Variants in TLCD1 observed in about 807,000 individuals in gnomAD.
TLCD1 encodes the protein TLC domain containing 1.
A neutral mutation model predicts 21.2 loss-of-function variants in TLCD1; 21 were observed. That is an observed-to-expected ratio of 0.99 (90% CI 0.70 to 1.42). TLCD1 has a LOEUF of 1.42. Among genes scored for constraint, TLCD1 ranks in the 40% most tolerant of loss-of-function variants. The pLI, the probability that TLCD1 is intolerant of heterozygous loss-of-function variation, is 0.00. For missense variants in TLCD1, 344 were observed against 330.3 expected (o/e 1.04, Z -0.32); for synonymous variants, 168 against 134.8 (o/e 1.25, Z -1.71).
chr17:28,724,701 C>T lies in TLCD1; in HGVS notation c.553G>A (p.Ala185Thr), dbSNP rs200019852. 5 of 1,614,082 alleles carry T rather than the reference C, an allele frequency of 3.1e-6. No homozygotes were observed. Among genetic ancestry groups the T allele is most frequent in the Non-Finnish European group, 4.2e-6 (5 of 1,180,018 alleles). The change falls in exon 4 of 4, where the codon GCC becomes ACC. Residue 185 changes from alanine to threonine, a missense_variant. By Grantham distance (58) the Ala-to-Thr change is moderately conservative (BLOSUM62 0). Coordinates refer to ENST00000292090, the MANE Select transcript of TLCD1 (RefSeq NM_138463.4). ...NLVMYFLFRL[A>T]PQAYLTHFFL... ...AAATGGGTGAGGTAGGCCTGAGGGG[C>T]CAGGCGGAAGAGAAAGTACATGACC...
intron 2 of TLCD1, 36 bp downstream of exon 2, chr17:28,725,445 C>T (rs765126241): frequency 3.1e-6 from 5 of 1,614,104 alleles, no homozygotes; most frequent in South Asian, 1.1e-5. Context: ...TTCTCCCTGT[C>T]CCCAATTTGC....
In TLCD1 at chr17:28,725,980, G is replaced by A. The variant is rs750085780; in HGVS notation, c.118C>T (p.Leu40=). The change falls in exon 1 of 4, where the codon CTG becomes TTG. Residue 40 remains leucine, a synonymous_variant. Coordinates refer to ENST00000292090, the MANE Select transcript of TLCD1 (RefSeq NM_138463.4). ...PLPVHVRADP[L]RTWRWHNLLV... Reference sequence around the variant, plus strand: ...AGGTTGTGCCAGCGCCAGGTGCGCAGGGGGTCGGCGCGCACGTGCACGGGT... The same window carrying A: ...AGGTTGTGCCAGCGCCAGGTGCGCAAGGGGTCGGCGCGCACGTGCACGGGT... 2 of 1,612,038 alleles carry A rather than the reference G, an allele frequency of 1.2e-6. No individual in the cohort carries two copies. The highest frequency in any genetic ancestry group is 2.2e-5 in the East Asian group (1 of 44,698).
chr17:28,725,702 C>T, intron 1 of TLCD1, 139 bp from the exon 2 acceptor site: 1 of 1,157,270 alleles, frequency 8.6e-7, no homozygotes, highest in Non-Finnish European at 1.2e-6. Context: ...TGGGCAAAAC[C>T]CAAGAGCCTC....
chr17:28,725,373 G>T lies in TLCD1; in HGVS notation c.291C>A (p.His97Gln). 6.2e-7 allele frequency: 1 copy of T among 1,614,170 alleles called. No individual in the cohort carries two copies. Among genetic ancestry groups the T allele is most frequent in the Non-Finnish European group, 8.5e-7 (1 of 1,180,040 alleles). Residue 97 changes from histidine to glutamine, a missense_variant, in exon 3 of 4, where the codon CAC becomes CAA. Coordinates refer to ENST00000292090, the MANE Select transcript of TLCD1 (RefSeq NM_138463.4). ...LVCFSAGYFI[H>Q]DTVDIVASGQ... ...CGCTAGCCACGATGTCCACCGTATCGTGGATGAAATACCCTAGTGGAGGGA... is the reference window on the plus strand; with the variant it reads ...CGCTAGCCACGATGTCCACCGTATCTTGGATGAAATACCCTAGTGGAGGGA...
chr17:28,725,321 G>A lies in TLCD1; in HGVS notation c.343C>T (p.Leu115Phe), dbSNP rs376344282. The change falls in exon 3 of 4, where the codon CTT becomes TTT. Residue 115 changes from leucine (L) to phenylalanine (F), a missense_variant. Transcript: ENST00000292090. ...SGQTRASWEY[L>F]VHHVMAMGAF... ...TCTCTTACCATGACGTGATGGACAA[G>A]GTATTCCCAAGAGGCTCGCGTCTGT... 4 of 1,614,010 alleles carry A rather than the reference G, an allele frequency of 2.5e-6. No individual in the cohort carries two copies. Among genetic ancestry groups the A allele is most frequent in the Non-Finnish European group, 3.4e-6 (4 of 1,180,014 alleles).
In TLCD1 at chr17:28,724,729, G is replaced by T. The variant is rs775775962; in HGVS notation, c.525C>A (p.Asn175Lys). Residue 175 changes from asparagine to lysine, a missense_variant, in exon 4 of 4, where the codon AAC (asparagine) becomes AAA (lysine). Physicochemically the swap from Asn to Lys is moderately conservative, Grantham distance 94 (BLOSUM62 0). Transcript: ENST00000292090. ...HLLYRVNKYV[N>K]LVMYFLFRLA... ...GGCGGAAGAGAAAGTACATGACCAG[G>T]TTCACATACTTGTTAACCCGGTAGA... is the stretch of plus-strand genomic sequence containing the variant. 6.2e-7 allele frequency: 1 copy of T among 1,614,164 alleles called. No individual in the cohort carries two copies.
rs773269260 is a variant in TLCD1, at chr17:28,725,348, C to T, written c.316G>A (p.Gly106Arg). 32 of 1,613,890 alleles carry T rather than the reference C, an allele frequency of 2.0e-5. No individual in the cohort carries two copies. Among genetic ancestry groups the T allele is most frequent in the African/African-American group, 4.0e-5 (3 of 74,874 alleles). Residue 106 changes from glycine (G) to arginine (R), a missense_variant, in exon 3 of 4, where the codon GGA (glycine) becomes AGA (arginine). Transcript: ENST00000292090. Reference protein sequence around the residue: ...IHDTVDIVASGQTRASWEYLV... With the variant: ...IHDTVDIVASRQTRASWEYLV... ...TATTCCCAAGAGGCTCGCGTCTGTC[C>T]GCTAGCCACGATGTCCACCGTATCG... is the stretch of plus-strand genomic sequence containing the variant.
rs2034187740 is a variant in TLCD1 at position 28,724,856 on chromosome 17, C to T, written c.398G>A (p.Ser133Asn). ...TGTTAAGACACCCCCACCGACAAAG[C>T]TGCTCCAAAAGATGCCGGAGAAGAA... is the stretch of plus-strand genomic sequence containing the variant. ...GAFFSGIFWS[S>N]FVGGGVLTLL... The change falls in exon 4 of 4, where the codon AGC becomes AAC. Residue 133 changes from serine (S) to asparagine (N), a missense_variant. Transcript: ENST00000292090. 1.2e-6 allele frequency: 2 copies of T among 1,613,838 alleles called. No individual in the cohort carries two copies. Among genetic ancestry groups the T allele is most frequent in the Non-Finnish European group, 1.7e-6 (2 of 1,179,986 alleles).
At chr17:28,726,840 T>C, upstream of TLCD1, 1 of 1,544,360 alleles carries the variant, frequency 6.5e-7, no homozygotes, top group Non-Finnish European at 8.7e-7. Context: ...CTTAAACTCC[T>C]GGGGCCGGGC....
rs1487988225 is a variant in TLCD1 at position 28,725,362 on chromosome 17, T to C, written c.302A>G (p.Asp101Gly). 5 of 1,614,028 alleles carry C rather than the reference T, an allele frequency of 3.1e-6. No individual in the cohort carries two copies. The highest frequency in any genetic ancestry group is 4.2e-6 in the Non-Finnish European group (5 of 1,180,036). The change falls in exon 3 of 4, where the codon GAC becomes GGC. Residue 101 changes from aspartate to glycine, a missense_variant. By Grantham distance (94) the Asp-to-Gly change is moderately conservative. Transcript: ENST00000292090. The stretch of plus-strand genomic sequence containing the variant: ...TCGCGTCTGTCCGCTAGCCACGATG[T>C]CCACCGTATCGTGGATGAAATACCC... ...SAGYFIHDTVDIVASGQTRAS... is the reference protein window; with the variant it reads ...SAGYFIHDTVGIVASGQTRAS...
Position 28,725,982 on chromosome 17 carries a change from G to A in TLCD1, c.116C>T (p.Pro39Leu). The change falls in exon 1 of 4, where the codon CCC becomes CTC. Residue 39 changes from proline to leucine, a missense_variant. Transcript: ENST00000292090. ...LPLPVHVRAD[P>L]LRTWRWHNLL... ...GTTGTGCCAGCGCCAGGTGCGCAGG[G>A]GGTCGGCGCGCACGTGCACGGGTAG... is the stretch of plus-strand genomic sequence containing the variant. The A allele has an allele frequency of 1.9e-6, 3 of 1,612,018 alleles. No individual in the cohort carries two copies. The highest frequency in any genetic ancestry group is 1.3e-5 in the African/African-American group (1 of 74,852).
Position 28,724,853 on chromosome 17 carries a change from A to G in TLCD1, c.401T>C (p.Phe134Ser), listed in dbSNP as rs2034187637. The G allele has an allele frequency of 6.2e-7, 1 of 1,613,794 alleles. No homozygotes were observed. The highest frequency in any genetic ancestry group is 2.2e-5 in the East Asian group (1 of 44,878). Residue 134 changes from phenylalanine to serine, a missense_variant, in exon 4 of 4, where the codon TTT (phenylalanine) becomes TCT (serine). Coordinates refer to ENST00000292090, the MANE Select transcript of TLCD1 (RefSeq NM_138463.4). Reference protein sequence around the residue: ...AFFSGIFWSSFVGGGVLTLLV... With the variant: ...AFFSGIFWSSSVGGGVLTLLV... ...TAGTGTTAAGACACCCCCACCGACA[A>G]AGCTGCTCCAAAAGATGCCGGAGAA...
At chr17:28,726,954 G>C (rs2034242564), upstream of TLCD1, 2 of 764,362 alleles carry the variant, frequency 2.6e-6, no homozygotes, top group East Asian at 2.7e-5. Flanking sequence ...AGTGACCCGC[G>C]CTCTCCAAGC....
chr17:28,724,542 T>G lies in TLCD1; in HGVS notation c.712A>C (p.Lys238Gln), dbSNP rs1169620138. Residue 238 changes from lysine to glutamine, a missense_variant, in exon 4 of 4, where the codon AAG becomes CAG. Physicochemically the swap from Lys to Gln is moderately conservative, Grantham distance 53. Coordinates refer to ENST00000292090, the MANE Select transcript of TLCD1 (RefSeq NM_138463.4). Reference sequence around the variant, plus strand: ...GTCAAGAACTTGTCTTTGTGTTGCTTCTTGGGGACATGCTCAGGGCAGAAG... The same window carrying G: ...GTCAAGAACTTGTCTTTGTGTTGCTGCTTGGGGACATGCTCAGGGCAGAAG... ...SDFCPEHVPK[K>Q]QHKDKFLTE 6.2e-7 allele frequency: 1 copy of G among 1,614,086 alleles called. No homozygotes were observed.
chr17:28,724,413 G>T lies in TLCD1; in HGVS notation c.*97C>A. ...CGCAGGCTCAGAAGGTGGAGAGGCT[G>T]GCCTCAGAGGACACCCAGGCTTGGG... On this transcript the variant is annotated 3_prime_UTR_variant, in exon 4 of 4. Coordinates refer to ENST00000292090, the MANE Select transcript of TLCD1 (RefSeq NM_138463.4). 6.9e-7 allele frequency: 1 copy of T among 1,446,460 alleles called. No homozygotes were observed. Among genetic ancestry groups the T allele is most frequent in the Non-Finnish European group, 9.4e-7 (1 of 1,067,474 alleles). 89.6% of individuals were successfully genotyped at this position (1,446,460 alleles called of 1,614,324 possible). A position where few individuals can be genotyped will look rare whatever the true frequency, so the allele number is the denominator to read the frequency against.
At position 28,724,406 on chromosome 17, in the gene TLCD1, A is replaced by G; in HGVS notation, c.*104T>C. On this transcript the variant is annotated 3_prime_UTR_variant, in exon 4 of 4. Coordinates refer to ENST00000292090, the MANE Select transcript of TLCD1 (RefSeq NM_138463.4). The stretch of plus-strand genomic sequence containing the variant: ...GTGTGGGCGCAGGCTCAGAAGGTGG[A>G]GAGGCTGGCCTCAGAGGACACCCAG... 2.2e-6 allele frequency: 3 copies of G among 1,394,680 alleles called. No individual in the cohort carries two copies. Among genetic ancestry groups the G allele is most frequent in the Non-Finnish European group, 2.9e-6 (3 of 1,023,796 alleles). The allele number at this position is 1,394,680 out of a possible 1,614,324, so 86.4% of individuals were successfully genotyped here. A position where few individuals can be genotyped will look rare whatever the true frequency, so the allele number is the denominator to read the frequency against.
At chr17:28,726,354 T>G, upstream of TLCD1, 1 of 686,678 alleles carries the variant, frequency 1.5e-6, no homozygotes, top group Non-Finnish European at 1.8e-6. Flanking sequence ...CAGGCGCTGC[T>G]GCCGCGCGAG....
At chr17:28,727,497 C>A (rs186148656), upstream of TLCD1, 2 of 152,690 alleles carry the variant, frequency 1.3e-5, no homozygotes, top group Non-Finnish European at 1.5e-5. Context: ...GATACCCTTG[C>A]GAGAGCCAGG....
chr17:28,725,511 A>G lies in TLCD1; in HGVS notation c.247T>C (p.Ser83Pro), dbSNP rs1204949160. The change falls in exon 2 of 4, where the codon TCT becomes CCT. Residue 83 changes from serine to proline, a missense_variant. Coordinates refer to ENST00000292090, the MANE Select transcript of TLCD1 (RefSeq NM_138463.4). ...GAGAAGCAAACGAGCAAATAGCCAGAAAGTGACCACGCCGTCTCAATCTCC... is the reference window on the plus strand; with the variant it reads ...GAGAAGCAAACGAGCAAATAGCCAGGAAGTGACCACGCCGTCTCAATCTCC... ...LVEIETAWSL[S>P]GYLLVCFSAG... The G allele has an allele frequency of 1.2e-6, 2 of 1,614,202 alleles. No homozygotes were observed. Among genetic ancestry groups the G allele is most frequent in the South Asian group, 1.1e-5 (1 of 91,082 alleles).
Sources: allele counts gnomAD v4.1 joint callset, GRCh38; gene constraint gnomAD v4.1.1; transcripts MANE v1.5; gene names NCBI Gene and HGNC (gene_info 2026-07-23, HGNC 2026-07-21).